The following CTNND2 variants were observed in gnomAD, a reference collection of about 807,000 sequenced individuals.
The protein encoded by CTNND2 is catenin delta 2, also known as catenin delta-2.
CTNND2 carries 22 observed loss-of-function variants against 144.4 expected under a neutral mutation model. The ratio of observed to expected loss-of-function variants is 0.15; its 90% CI spans 0.11 to 0.22. The LOEUF (loss-of-function observed/expected upper bound fraction) is 0.22. Among genes scored for constraint, CTNND2 ranks in the 10% least tolerant of loss-of-function variants. The pLI is 1.00. For synonymous variants in CTNND2, 751 were observed against 695.6 expected (o/e 1.08, Z -1.25); for missense variants, 1,353 against 1,618.8 (o/e 0.84, Z 2.82).
At chr5:11,323,079 C>T (rs974809845) in intron 9 of CTNND2, among the ~76,000 whole-genome samples, 1 of 152,104 alleles carries the variant, frequency 6.6e-6, no homozygotes, top group African/African-American at 2.4e-5. Context: ...TGCTGTCTTG[C>T]CCCGGCTTGA....
chr5:11,700,452 C>T (rs1785377222), intron 2 of CTNND2, among the ~76,000 whole-genome samples: 1 of 152,024 alleles, frequency 6.6e-6, no homozygotes, highest in South Asian at 2.1e-4. Flanking sequence ...GTGTTCCGAC[C>T]CTGAGGAGCT....
intron 2 of CTNND2, among the ~76,000 whole-genome samples, chr5:11,715,656 T>G (rs1339500903): frequency 6.6e-6 from 1 of 152,202 alleles, no homozygotes; most frequent in East Asian, 1.9e-4. Context: ...AATTCATGCA[T>G]AGCTTCTTAA....
intron 16 of CTNND2, among the ~76,000 whole-genome samples, chr5:11,040,379 C>A (rs909530982): frequency 6.6e-6 from 1 of 152,184 alleles, no homozygotes; most frequent in Non-Finnish European, 1.5e-5. Context: ...AAAGAAATAA[C>A]ATTGAATGAG....
At chr5:11,467,483 C>T (rs1016145731) in intron 3 of CTNND2, among the ~76,000 whole-genome samples, 4 of 152,138 alleles carry the variant, frequency 2.6e-5, no homozygotes, top group East Asian at 1.9e-4. Flanking sequence ...TTGTTTACAT[C>T]GGGCCTGATT....
rs1423384793 is a variant in CTNND2, at chr5:11,082,857, AG to A, written c.2638-12del. ...GATATATACTGACCACTGCAAAAAC[AG>A]GGAAGGCGAAGGGCGTTAGAAACAG... On this transcript the variant is annotated splice_polypyrimidine_tract_variant and intron_variant, in intron 15 of 21. Transcript: ENST00000304623. 3.1e-6 allele frequency: 5 copies of A among 1,612,854 alleles called. No individual in the cohort carries two copies. In the Admixed American group the frequency reaches 5.0e-5, roughly 16 times the overall value.
chr5:11,624,766 G>A (rs970012709), intron 2 of CTNND2, among the ~76,000 whole-genome samples: 2 of 151,974 alleles, frequency 1.3e-5, no homozygotes, highest in African/African-American at 2.4e-5. Flanking sequence ...CCCACACAGG[G>A]ATAGTTCCTT....
chr5:11,049,917 A>G (rs1242629054), intron 16 of CTNND2, among the ~76,000 whole-genome samples: 1 of 152,234 alleles, frequency 6.6e-6, no homozygotes, highest in African/African-American at 2.4e-5. Flanking sequence ...CCATGTTGCT[A>G]CATACAGACT....
chr5:11,755,909 C>T (rs897776897), intron 1 of CTNND2, among the ~76,000 whole-genome samples: 3 of 151,106 alleles, frequency 2.0e-5, no homozygotes, highest in African/African-American at 7.3e-5. Context: ...TTTTTCCTAC[C>T]CTATGTTCCT....
Position 11,888,172 on chromosome 5 carries a change from C to T in CTNND2, c.37+15645G>A, listed in dbSNP as rs1433413331. 2.0e-5 allele frequency among the ~76,000 whole-genome samples: 3 copies of T among 152,090 alleles called. No homozygotes were observed. The East Asian group carries it at 5.8e-4, about 29-fold the overall frequency. On this transcript the variant is annotated intron_variant, in intron 1 of 21. Coordinates refer to ENST00000304623, the MANE Select transcript of CTNND2 (RefSeq NM_001332.4). ...CATATGACATTTCAAAGTGCAAAAA[C>T]AAAATGTTGTTGAAACTTAGAAAAT...
chr5:11,799,631 T>C (rs900909857), intron 1 of CTNND2, among the ~76,000 whole-genome samples: 1 of 152,212 alleles, frequency 6.6e-6, no homozygotes, highest in Non-Finnish European at 1.5e-5. Context: ...ACTACCATAT[T>C]ATGAAATATC....
At chr5:11,829,056 C>T (rs1245530194) in intron 1 of CTNND2, among the ~76,000 whole-genome samples, 9 of 152,036 alleles carry the variant, frequency 5.9e-5, no homozygotes, top group Admixed American at 2.0e-4. Context: ...TGTGGAACTT[C>T]GAACTTCAGA....
At chr5:11,504,450 G>A (rs1770823002) in intron 3 of CTNND2, among the ~76,000 whole-genome samples, 1 of 152,176 alleles carries the variant, frequency 6.6e-6, no homozygotes, top group Non-Finnish European at 1.5e-5. Flanking sequence ...CACCAGCTAG[G>A]ACCTGCTTCA....
At chr5:11,152,308 C>A (rs1372540429) in intron 12 of CTNND2, among the ~76,000 whole-genome samples, 1 of 152,176 alleles carries the variant, frequency 6.6e-6, no homozygotes, top group African/African-American at 2.4e-5. Context: ...CAAAGTATTA[C>A]CTTTTCTATG....
chr5:11,083,251 T>C (rs534287382), intron 15 of CTNND2, among the ~76,000 whole-genome samples: 1 of 151,846 alleles, frequency 6.6e-6, no homozygotes, highest in Admixed American at 6.6e-5. Context: ...TGTGTGGGAG[T>C]GATTTCTCAA....
At chr5:11,772,909 G>C (rs1344381195) in intron 1 of CTNND2, among the ~76,000 whole-genome samples, 1 of 152,154 alleles carries the variant, frequency 6.6e-6, no homozygotes, top group Non-Finnish European at 1.5e-5. Flanking sequence ...TATGGTTGTG[G>C]AGCCTGAAAT....
chr5:11,464,277 A>T (rs1232937986), intron 3 of CTNND2, among the ~76,000 whole-genome samples: 1 of 152,194 alleles, frequency 6.6e-6, no homozygotes, highest in East Asian at 1.9e-4. Context: ...GTGATGAAAA[A>T]TAAAATAGGG....
chr5:11,887,468 T>G (rs187002137), intron 1 of CTNND2, among the ~76,000 whole-genome samples: 1 of 151,750 alleles, frequency 6.6e-6, no homozygotes, highest in Non-Finnish European at 1.5e-5. Flanking sequence ...AACAAAAACA[T>G]CGTTCCCTTT....
intron 9 of CTNND2, among the ~76,000 whole-genome samples, chr5:11,299,761 G>T (rs1749391264): frequency 6.6e-6 from 1 of 152,152 alleles, no homozygotes; most frequent in African/African-American, 2.4e-5. Flanking sequence ...AACCATAACA[G>T]GATGCTGGGA....
At chr5:11,140,884 G>T (rs772805304) in intron 12 of CTNND2, among the ~76,000 whole-genome samples, 3 of 152,128 alleles carry the variant, frequency 2.0e-5, no homozygotes, top group Non-Finnish European at 2.9e-5. Flanking sequence ...TGGGTTGGAA[G>T]GTAAGAGACA....
Sources: gnomAD v4.1 joint callset for allele counts (sites outside exome capture counted in the v4.1 genomes callset) on GRCh38, gnomAD v4.1.1 for gene constraint, MANE v1.5 for transcripts, NCBI Gene and HGNC (gene_info 2026-07-23, HGNC 2026-07-21) for gene names.